The following PCDH15 variants were observed in gnomAD, a reference collection of about 807,000 sequenced individuals.
The protein encoded by PCDH15 is protocadherin related 15.
Under a neutral mutation model 178.5 loss-of-function variants are expected in PCDH15, and 129 were observed. The ratio of observed to expected loss-of-function variants is 0.72; its 90% CI spans 0.63 to 0.84. The LOEUF is 0.84. Among genes scored for constraint, PCDH15 ranks in the 40% least tolerant of loss-of-function variants. The pLI is 0.00. For synonymous variants in PCDH15, 800 were observed against 732.0 expected (o/e 1.09, Z -1.50); for missense variants, 2,230 against 2,099.9 (o/e 1.06, Z -1.21).
chr10:54,900,082 T>C (rs1431909422), intron 2 of PCDH15, among the ~76,000 whole-genome samples: 1 of 152,200 alleles, frequency 6.6e-6, no homozygotes, highest in Admixed American at 6.5e-5. Flanking sequence ...TGTCACTAAT[T>C]GTTTAAATAT....
intron 2 of PCDH15, among the ~76,000 whole-genome samples, chr10:55,567,289 T>C (rs773166799): frequency 2.6e-5 from 4 of 151,868 alleles, no homozygotes; most frequent in Non-Finnish European, 4.4e-5. Context: ...TCAAAATGGA[T>C]CCATGACCTA....
chr10:53,927,418 T>C (rs2084660842), intron 25 of PCDH15, among the ~76,000 whole-genome samples: 2 of 152,190 alleles, frequency 1.3e-5, no homozygotes, highest in Admixed American at 1.3e-4. Context: ...CTTGCAAATC[T>C]GATACAATTC....
chr10:55,066,988 A>G (rs1841583028), intron 2 of PCDH15, among the ~76,000 whole-genome samples: 1 of 151,998 alleles, frequency 6.6e-6, no homozygotes, highest in Non-Finnish European at 1.5e-5. Context: ...TGATCATTAC[A>G]CATTCTATGC....
chr10:55,537,475 G>T (rs2132070754), intron 2 of PCDH15, among the ~76,000 whole-genome samples: 1 of 152,094 alleles, frequency 6.6e-6, no homozygotes, highest in South Asian at 2.1e-4. Flanking sequence ...TCGCTTTGTT[G>T]CCCAGGCTGG....
rs2049076316 is a variant in PCDH15 at position 54,192,118 on chromosome 10, A to AG, written c.1305+3564_1305+3565insC. ...AAGGAAGGAAGAAAGAAAAAAAAAA[A>AG]AGAAAGAAAGAAAGAGAAAGAGAAA... On this transcript the variant is annotated intron_variant, in intron 11 of 37. Transcript: ENST00000644397. Among the ~76,000 whole-genome samples the AG allele has an allele frequency of 4.0e-5, 5 of 124,172 alleles. No individual in the cohort carries two copies. The South Asian group carries it at 1.3e-3, about 33-fold the overall frequency. 81.5% of individuals were successfully genotyped at this position (124,172 alleles called of 152,430 possible).
intron 1 of PCDH15, among the ~76,000 whole-genome samples, chr10:54,731,541 G>GGTATATATATATATATATATATAT (rs1943339225): frequency 1.5e-5 from 1 of 68,318 alleles, no homozygotes; most frequent in Non-Finnish European, 2.9e-5. Flanking sequence ...GAAAATGTGA[G>GGTATATATATATATATATATATAT]ATAGATATAT....
At position 54,298,859 on chromosome 10, in the gene PCDH15, G is replaced by A. The variant is rs558397674; in HGVS notation, c.876+18412C>T. Among the ~76,000 whole-genome samples, 11 of 152,326 alleles carry A rather than the reference G, an allele frequency of 7.2e-5. No homozygotes were observed. In the South Asian group the frequency reaches 1.4e-3, roughly 20 times the overall value. ...GAATCCTGGGAGAGCCTGTAACCAG[G>A]TATTTCTCCCACCTCCTCTGTTGTA... On this transcript the variant is annotated intron_variant, in intron 8 of 37. Transcript: ENST00000644397.
intron 8 of PCDH15, among the ~76,000 whole-genome samples, chr10:54,304,225 G>C (rs1006349064): frequency 3.3e-5 from 5 of 152,032 alleles, no homozygotes; most frequent in Non-Finnish European, 1.5e-5. Flanking sequence ...ACTGGCATAA[G>C]CCAGCTGCAA....
At chr10:55,388,836 G>T (rs1042460291) in intron 2 of PCDH15, among the ~76,000 whole-genome samples, 8 of 151,954 alleles carry the variant, frequency 5.3e-5, no homozygotes, top group Middle Eastern at 3.2e-3. Flanking sequence ...TAGTTTGTGG[G>T]AATATATTAA....
chr10:53,811,516 AAG>A, intron 36 of PCDH15, 31 bp downstream of exon 36: 1 of 1,230,686 alleles, frequency 8.1e-7, no homozygotes. Context: ...ATATTAAAAT[AAG>A]AATCTGAATT....
chr10:54,447,949 A>AT (rs2076243891), intron 3 of PCDH15, among the ~76,000 whole-genome samples: 1 of 88,678 alleles, frequency 1.1e-5, no homozygotes, highest in African/African-American at 4.6e-5. Context: ...GAGAAAGTAT[A>AT]TTACTCAATT....
chr10:55,335,835 T>G (rs187913082), intron 2 of PCDH15, among the ~76,000 whole-genome samples: 1 of 152,282 alleles, frequency 6.6e-6, no homozygotes, highest in Non-Finnish European at 1.5e-5. Context: ...AGCTATAGTT[T>G]TAAATGTTAT....
chr10:54,383,717 T>TCAAC (rs1949552251), intron 3 of PCDH15, among the ~76,000 whole-genome samples: 1 of 147,236 alleles, frequency 6.8e-6, no homozygotes, highest in African/African-American at 2.5e-5. Flanking sequence ...CCCACTCTCC[T>TCAAC]CAACCAAAAA....
At chr10:54,983,625 T>A (rs1839295218) in intron 2 of PCDH15, among the ~76,000 whole-genome samples, 1 of 152,136 alleles carries the variant, frequency 6.6e-6, no homozygotes, top group South Asian at 2.1e-4. Context: ...GAACCTATTG[T>A]TCATCTCACT....
intron 25 of PCDH15, among the ~76,000 whole-genome samples, chr10:53,904,955 G>A (rs1004103868): frequency 2.0e-5 from 3 of 152,056 alleles, no homozygotes; most frequent in African/African-American, 4.8e-5. Flanking sequence ...TACTGATGAC[G>A]TATATTTTCT....
intron 18 of PCDH15, among the ~76,000 whole-genome samples, chr10:54,029,030 C>T (rs2456697): frequency 0.75 from 114,360 of 152,016 alleles, 43,208 homozygotes; most frequent in Middle Eastern, 0.82. Flanking sequence ...ACAAAGGGAA[C>T]AGAATATAAA....
chr10:54,111,639 A>G (rs1000184436), intron 15 of PCDH15, among the ~76,000 whole-genome samples: 2 of 152,194 alleles, frequency 1.3e-5, no homozygotes, highest in African/African-American at 4.8e-5. Flanking sequence ...GAGAACATGC[A>G]GTATCAGTTG....
chr10:54,923,570 C>A (rs1268740958), intron 2 of PCDH15, among the ~76,000 whole-genome samples: 1 of 137,886 alleles, frequency 7.3e-6, no homozygotes, highest in Non-Finnish European at 1.7e-5. Flanking sequence ...CTCTTAGAAG[C>A]AGCCAGGTCA....
At chr10:54,070,685 G>T (rs906009798) in intron 17 of PCDH15, among the ~76,000 whole-genome samples, 12 of 152,024 alleles carry the variant, frequency 7.9e-5, no homozygotes, top group African/African-American at 2.7e-4. Context: ...GAACTCCTAG[G>T]CTCAAGTGAT....
Sources: gnomAD v4.1 joint callset for allele counts (sites outside exome capture counted in the v4.1 genomes callset) on GRCh38, gnomAD v4.1.1 for gene constraint, MANE v1.5 for transcripts, NCBI Gene and HGNC (gene_info 2026-07-23, HGNC 2026-07-21) for gene names.